ITGBL1: variants seen among roughly 807,000 people sequenced by gnomAD.
The protein encoded by ITGBL1 is integrin subunit beta like 1.
ITGBL1 carries 51 observed loss-of-function variants against 68.5 expected under a neutral mutation model. The ratio of observed to expected loss-of-function variants is 0.74; its 90% CI spans 0.59 to 0.94. The LOEUF (loss-of-function observed/expected upper bound fraction) is 0.94. Ranked by LOEUF, ITGBL1 falls within the 40% of genes least tolerant of loss-of-function variation. ITGBL1 has a pLI of 0.00. For synonymous variants in ITGBL1, 209 were observed against 227.3 expected (o/e 0.92, Z 0.72); for missense variants, 649 against 647.4 (o/e 1.00, Z -0.03).
At chr13:101,523,436 T>C (rs542756531) in intron 2 of ITGBL1, among the ~76,000 whole-genome samples, 1 of 152,300 alleles carries the variant, frequency 6.6e-6, no homozygotes, top group South Asian at 2.1e-4. Flanking sequence ...GTGTTTTTGC[T>C]AACTGAATGT....
chr13:101,648,376 G>C (rs912737265), intron 7 of ITGBL1, among the ~76,000 whole-genome samples: 1 of 152,162 alleles, frequency 6.6e-6, no homozygotes, highest in Non-Finnish European at 1.5e-5. Flanking sequence ...AACTAAGATC[G>C]AGAACTCAAG....
chr13:101,628,749 T>C (rs2031878997), intron 7 of ITGBL1, among the ~76,000 whole-genome samples: 1 of 151,864 alleles, frequency 6.6e-6, no homozygotes, highest in Non-Finnish European at 1.5e-5. Context: ...CCTCTCTTGA[T>C]ATTTCAATGC....
chr13:101,519,299 C>G (rs541634798), intron 2 of ITGBL1, among the ~76,000 whole-genome samples: 1 of 152,238 alleles, frequency 6.6e-6, no homozygotes, highest in East Asian at 1.9e-4. Context: ...AAATGTTCTT[C>G]ATTTGCAATG....
At chr13:101,460,688 C>A (rs1010362699) in intron 2 of ITGBL1, among the ~76,000 whole-genome samples, 4 of 152,162 alleles carry the variant, frequency 2.6e-5, no homozygotes, top group Non-Finnish European at 4.4e-5. Context: ...GTTTTGCAGG[C>A]TGTACAAGCA....
chr13:101,636,808 C>T (rs1181834567), intron 7 of ITGBL1, among the ~76,000 whole-genome samples: 1 of 152,102 alleles, frequency 6.6e-6, no homozygotes, highest in Non-Finnish European at 1.5e-5. Flanking sequence ...ATTGATCCTG[C>T]TGTATCTTAT....
downstream of ITGBL1, chr13:101,720,607 G>GTAGT (rs908361640): frequency 6.6e-6 from 1 of 151,578 alleles, no homozygotes; most frequent in Non-Finnish European, 1.5e-5. Flanking sequence ...GCTGCTGTAA[G>GTAGT]TAGTGTCCAT....
At chr13:101,489,862 G>A in intron 2 of ITGBL1, 1 of 753,692 alleles carries the variant, frequency 1.3e-6, no homozygotes, top group Non-Finnish European at 2.2e-6. Context: ...ACTCATTGGT[G>A]AAAAATAGAA....
At chr13:101,633,196 C>T (rs893040673) in intron 7 of ITGBL1, among the ~76,000 whole-genome samples, 2 of 152,158 alleles carry the variant, frequency 1.3e-5, no homozygotes, top group East Asian at 1.9e-4. Flanking sequence ...TTGGGACCAC[C>T]GTCTGAGTTC....
intron 2 of ITGBL1, among the ~76,000 whole-genome samples, chr13:101,539,790 C>G (rs368111318): frequency 3.9e-5 from 6 of 152,034 alleles, no homozygotes; most frequent in Admixed American, 3.3e-4. Flanking sequence ...ATTTGCATTT[C>G]TCTGATGGCC....
At chr13:101,459,977 C>G (rs1282898881) in intron 2 of ITGBL1, among the ~76,000 whole-genome samples, 2 of 152,096 alleles carry the variant, frequency 1.3e-5, no homozygotes, top group African/African-American at 4.8e-5. Context: ...GCTCTTGAGG[C>G]TGCCTGAGGA....
chr13:101,488,687 A>G (rs2048734317), intron 2 of ITGBL1, among the ~76,000 whole-genome samples: 1 of 151,872 alleles, frequency 6.6e-6, no homozygotes, highest in Non-Finnish European at 1.5e-5. Context: ...CCCCACTACA[A>G]CCTTTGGAGA....
At chr13:101,466,973 T>A (rs2048390243) in intron 2 of ITGBL1, among the ~76,000 whole-genome samples, 1 of 152,190 alleles carries the variant, frequency 6.6e-6, no homozygotes, top group Non-Finnish European at 1.5e-5. Flanking sequence ...CTGGGAAGTC[T>A]AGAATCAAGG....
At chr13:101,707,298 G>T (rs538131363) in intron 9 of ITGBL1, among the ~76,000 whole-genome samples, 116 of 152,276 alleles carry the variant, frequency 7.6e-4, no homozygotes, top group African/African-American at 2.6e-3. Flanking sequence ...ACAAGCATCT[G>T]AGCTGCCCAA....
chr13:101,541,166 T>C (rs2049691509), intron 2 of ITGBL1, among the ~76,000 whole-genome samples: 1 of 150,012 alleles, frequency 6.7e-6, no homozygotes, highest in Admixed American at 6.7e-5. Flanking sequence ...TTTTTGCCCA[T>C]TCAGTATGAT....
intron 8 of ITGBL1, among the ~76,000 whole-genome samples, chr13:101,699,557 C>T (rs1187080816): frequency 6.6e-6 from 1 of 152,166 alleles, no homozygotes. Context: ...TCACTCGACT[C>T]TCATACTTCT....
intron 7 of ITGBL1, among the ~76,000 whole-genome samples, chr13:101,605,732 A>G (rs200916320): frequency 5.3e-5 from 8 of 151,354 alleles, no homozygotes; most frequent in East Asian, 1.9e-4. Flanking sequence ...GTGTACACGT[A>G]TGTAGACATA....
chr13:101,579,517 TGGGA>T, intron 5 of ITGBL1, 90 bp downstream of exon 5: 1 of 1,300,810 alleles, frequency 7.7e-7, no homozygotes, highest in Non-Finnish European at 1.1e-6. Context: ...TCCTCTAGTG[TGGGA>T]GGAAGTTATC....
intron 7 of ITGBL1, among the ~76,000 whole-genome samples, chr13:101,598,656 A>G (rs560060278): frequency 5.3e-5 from 8 of 151,962 alleles, no homozygotes; most frequent in African/African-American, 1.2e-4. Flanking sequence ...TCATTGTTCA[A>G]TTCCCACCTA....
At chr13:101,476,832 C>T (rs978809911) in intron 2 of ITGBL1, among the ~76,000 whole-genome samples, 1 of 152,032 alleles carries the variant, frequency 6.6e-6, no homozygotes, top group Non-Finnish European at 1.5e-5. Context: ...AAAACTGGAG[C>T]ACCTAGACAT....
Sources: allele counts gnomAD v4.1 joint callset (sites outside exome capture counted in the v4.1 genomes callset), GRCh38; gene constraint gnomAD v4.1.1; transcripts MANE v1.5; gene names NCBI Gene and HGNC (gene_info 2026-07-23, HGNC 2026-07-21).